DIAPH3: variants seen among roughly 807,000 people sequenced by gnomAD.
DIAPH3 encodes the protein protein diaphanous homolog 3.
In DIAPH3, 117 loss-of-function variants were observed where a neutral mutation model predicts 144.3. The ratio of observed to expected loss-of-function variants is 0.81; its 90% confidence interval spans 0.70 to 0.95. DIAPH3 has a LOEUF of 0.95. Ranked by LOEUF, DIAPH3 falls within the 40% of genes least tolerant of loss-of-function variation. The probability of loss-of-function intolerance (pLI) is 0.00; values close to 1 mark genes in which losing one functional copy is unlikely to be tolerated. For synonymous variants in DIAPH3, 519 were observed against 488.9 expected (o/e 1.06, Z -0.81); for missense variants, 1,421 against 1,412.7 (o/e 1.01, Z -0.09).
intron 27 of DIAPH3, among the ~76,000 whole-genome samples, chr13:59,750,322 C>T (rs2139112198): frequency 6.6e-6 from 1 of 152,266 alleles, no homozygotes; most frequent in Non-Finnish European, 1.5e-5. Flanking sequence ...TGGGCCAATA[C>T]ACTTTCAAAG....
At chr13:60,082,841 T>C (rs2057607871) in intron 4 of DIAPH3, among the ~76,000 whole-genome samples, 1 of 151,718 alleles carries the variant, frequency 6.6e-6, no homozygotes, top group Admixed American at 6.6e-5. Context: ...AAAGGAAGAG[T>C]GTGAAATGTA....
Position 60,016,001 on chromosome 13 carries a change from TAGC to T in DIAPH3, c.702-22_702-20del. Reference sequence around the variant, plus strand: ...TTCTTGGCTGTATTGACATAAAAAATAGCAGTGTTGGAATTATAATTGGACATA... The same window carrying T: ...TTCTTGGCTGTATTGACATAAAAAATAGTGTTGGAATTATAATTGGACATA... On this transcript the variant is annotated intron_variant, in intron 6 of 27. Coordinates refer to ENST00000400324, the MANE Select transcript of DIAPH3 (RefSeq NM_001042517.2). 6.2e-7 allele frequency: 1 copy of T among 1,611,684 alleles called. No individual in the cohort carries two copies. The highest frequency in any genetic ancestry group is 1.1e-5 in the South Asian group (1 of 90,960).
Position 59,844,850 on chromosome 13 carries a change from CA to C in DIAPH3, c.2738-5403del. Among the ~76,000 whole-genome samples, 2 of 152,222 alleles carry C rather than the reference CA, an allele frequency of 1.3e-5. 1 individual carries two copies. Among genetic ancestry groups the C allele is most frequent in the South Asian group, 4.2e-4 (2 of 4,818 alleles). On this transcript the variant is annotated intron_variant, in intron 22 of 27. Coordinates refer to ENST00000400324, the MANE Select transcript of DIAPH3 (RefSeq NM_001042517.2). The stretch of plus-strand genomic sequence containing the variant: ...CTCCCTATGTGTAATCTCCATACCA[CA>C]GAAGGCAAAAGGACCATAAATCCCA...
In DIAPH3 at chr13:60,059,415, T is replaced by C. The variant is rs140433284; in HGVS notation, c.496-16595A>G. Among the ~76,000 whole-genome samples the C allele has an allele frequency of 5.3e-5, 8 of 152,176 alleles. No homozygotes were observed. In the East Asian group the frequency reaches 1.5e-3, roughly 29 times the overall value. On this transcript the variant is annotated intron_variant, in intron 4 of 27. Transcript: ENST00000400324. ...AAACAACTATTTTTAAATTTACAAA[T>C]GTTTCATGCTTTATGCTATTTATAA...
intron 21 of DIAPH3, among the ~76,000 whole-genome samples, chr13:59,873,629 G>A (rs1040229806): frequency 1.3e-5 from 2 of 151,110 alleles, no homozygotes; most frequent in Non-Finnish European, 1.5e-5. Flanking sequence ...GTTTAGCTTG[G>A]CATGAGAGGA....
intron 4 of DIAPH3, among the ~76,000 whole-genome samples, chr13:60,049,937 T>G (rs1195016306): frequency 2.0e-5 from 3 of 152,186 alleles, no homozygotes; most frequent in Non-Finnish European, 4.4e-5. Context: ...TGCCTGTAAT[T>G]CCGGCAACTT....
At chr13:59,914,073 CAA>C (rs1383394595) in intron 19 of DIAPH3, among the ~76,000 whole-genome samples, 1 of 151,566 alleles carries the variant, frequency 6.6e-6, no homozygotes, top group East Asian at 1.9e-4. Flanking sequence ...ATGTGACAAA[CAA>C]AGGTAAATGG....
At chr13:60,045,679 T>C (rs1015419325) in intron 4 of DIAPH3, among the ~76,000 whole-genome samples, 4 of 152,198 alleles carry the variant, frequency 2.6e-5, no homozygotes, top group Admixed American at 6.5e-5. Context: ...TATCCAAAAA[T>C]ACAGCAGTGG....
intron 5 of DIAPH3, among the ~76,000 whole-genome samples, chr13:60,030,222 T>A (rs423521): frequency 0.75 from 114,615 of 151,962 alleles, 43,367 homozygotes; most frequent in Admixed American, 0.81. Context: ...TATGCTTCTC[T>A]TTTACTGTGG....
At chr13:59,924,984 A>G (rs1566525413) in intron 17 of DIAPH3, 114 bp from the exon 18 acceptor site, 16 of 1,452,294 alleles carry the variant, frequency 1.1e-5, no homozygotes, top group Non-Finnish European at 1.5e-5. Flanking sequence ...TCTTCTAAAT[A>G]AAAGTTATAA....
chr13:59,716,625 G>A (rs2035076536), intron 27 of DIAPH3, among the ~76,000 whole-genome samples: 1 of 152,132 alleles, frequency 6.6e-6, no homozygotes, highest in African/African-American at 2.4e-5. Context: ...CCCTTTTGAA[G>A]TAGACATTAT....
At chr13:59,752,383 T>G (rs2037052635) in intron 27 of DIAPH3, among the ~76,000 whole-genome samples, 1 of 151,796 alleles carries the variant, frequency 6.6e-6, no homozygotes, top group Non-Finnish European at 1.5e-5. Context: ...TTTTTTTTTT[T>G]TTGAGACACA....
intron 22 of DIAPH3, 120 bp from the exon 23 acceptor site, chr13:59,839,568 A>G (rs2042230278): frequency 3.3e-6 from 3 of 918,782 alleles, no homozygotes; most frequent in African/African-American, 1.7e-5. Flanking sequence ...AATTCATTAT[A>G]AAATAAAAAT....
intron 4 of DIAPH3, among the ~76,000 whole-genome samples, chr13:60,048,965 A>G (rs1293312684): frequency 6.6e-6 from 1 of 152,220 alleles, no homozygotes; most frequent in Non-Finnish European, 1.5e-5. Context: ...GGAGGAAAAA[A>G]ATGAAAAAAA....
intron 25 of DIAPH3, among the ~76,000 whole-genome samples, chr13:59,809,953 T>A (rs1007162076): frequency 5.9e-5 from 9 of 152,160 alleles, no homozygotes; most frequent in South Asian, 2.1e-4. Flanking sequence ...AGCCAAATTT[T>A]TCAGGGAATG....
chr13:59,711,329 C>A (rs550903203), intron 27 of DIAPH3, among the ~76,000 whole-genome samples: 21 of 152,292 alleles, frequency 1.4e-4, no homozygotes, highest in Non-Finnish European at 2.1e-4. Context: ...CTGCAGCTAA[C>A]AGCAGGTTTT....
chr13:60,047,521 AT>A (rs1276257910), intron 4 of DIAPH3, among the ~76,000 whole-genome samples: 2 of 152,214 alleles, frequency 1.3e-5, no homozygotes, highest in Non-Finnish European at 2.9e-5. Context: ...TATAACTTAT[AT>A]CATCAATGAT....
At chr13:60,086,176 A>G (rs923366309) in intron 4 of DIAPH3, among the ~76,000 whole-genome samples, 1 of 152,170 alleles carries the variant, frequency 6.6e-6, no homozygotes, top group South Asian at 2.1e-4. Context: ...CTATAAAAAA[A>G]GAAAAGATGA....
At chr13:59,720,572 A>G (rs572729161) in intron 27 of DIAPH3, among the ~76,000 whole-genome samples, 2 of 152,316 alleles carry the variant, frequency 1.3e-5, no homozygotes, top group South Asian at 4.1e-4. Context: ...CTTTGCAACT[A>G]GAACATCCAG....
Sources: allele counts gnomAD v4.1 joint callset (sites outside exome capture counted in the v4.1 genomes callset), GRCh38; gene constraint gnomAD v4.1.1; transcripts MANE v1.5; gene names NCBI Gene and HGNC (gene_info 2026-07-23, HGNC 2026-07-21).